Variants in SRGAP1 observed in about 807,000 individuals in gnomAD.
SRGAP1 encodes SLIT-ROBO Rho GTPase-activating protein 1.
Under a neutral mutation model 121.9 loss-of-function variants are expected in SRGAP1, and 43 were observed. The observed-to-expected ratio is 0.35, with a 90% CI of 0.28 to 0.46. The LOEUF (loss-of-function observed/expected upper bound fraction) is 0.46. SRGAP1 is among the 20% of genes least tolerant of loss of function. The pLI is 1.00. For synonymous variants in SRGAP1, 447 were observed against 485.4 expected (o/e 0.92, Z 1.04); for missense variants, 1,102 against 1,350.9 (o/e 0.82, Z 2.89).
rs575141014 is a variant in SRGAP1 at position 63,896,612 on chromosome 12, A to G, written c.67+51729A>G. Reference sequence around the variant, plus strand: ...AAGTGGTCTAAATCCATTGCCAAGCATCATTTAGCCAGTTACAATCATGTG... The same window carrying G: ...AAGTGGTCTAAATCCATTGCCAAGCGTCATTTAGCCAGTTACAATCATGTG... On this transcript the variant is annotated intron_variant, in intron 1 of 21. Transcript: ENST00000355086. 2.0e-5 allele frequency among the ~76,000 whole-genome samples: 3 copies of G among 152,338 alleles called. No individual in the cohort carries two copies. In the South Asian group the frequency reaches 6.2e-4, roughly 32 times the overall value.
intron 1 of SRGAP1, among the ~76,000 whole-genome samples, chr12:63,889,237 G>A (rs1308703230): frequency 2.0e-5 from 3 of 152,170 alleles, no homozygotes; most frequent in Non-Finnish European, 2.9e-5. Context: ...ATGGAAGGAC[G>A]AGTGAGTGAT....
At chr12:64,066,958 T>C (rs2035551935) in intron 8 of SRGAP1, among the ~76,000 whole-genome samples, 1 of 152,178 alleles carries the variant, frequency 6.6e-6, no homozygotes. Context: ...TAGTGTATTA[T>C]ACACAAAGTC....
chr12:64,104,627 C>T (rs183348078), intron 15 of SRGAP1, among the ~76,000 whole-genome samples: 17 of 152,190 alleles, frequency 1.1e-4, no homozygotes, highest in South Asian at 2.1e-4. Context: ...ACACATTGCG[C>T]GCCTGTTGAG....
chr12:63,917,962 G>C (rs1440860208), intron 1 of SRGAP1, among the ~76,000 whole-genome samples: 1 of 152,206 alleles, frequency 6.6e-6, no homozygotes, highest in Non-Finnish European at 1.5e-5. Flanking sequence ...ACAAATGCAA[G>C]ATTATATTGT....
At position 63,892,153 on chromosome 12, in the gene SRGAP1, A is replaced by T. The variant is rs12320263; in HGVS notation, c.67+47270A>T. ...TGCACATAATTTAAAAACAAAATAG[A>T]TAAATAAGTTTTTAATGAAAAGCAA... On this transcript the variant is annotated intron_variant, in intron 1 of 21. Coordinates refer to ENST00000355086, the MANE Select transcript of SRGAP1 (RefSeq NM_020762.4). Among the ~76,000 whole-genome samples the T allele has an allele frequency of 8.7e-3, 1,324 of 152,286 alleles. 22 individuals are homozygous for T. Among genetic ancestry groups the T allele is most frequent in the African/African-American group, 0.03 (1,256 of 41,558 alleles).
At chr12:64,103,820 G>T (rs558271205) in intron 15 of SRGAP1, among the ~76,000 whole-genome samples, 1 of 152,296 alleles carries the variant, frequency 6.6e-6, no homozygotes, top group East Asian at 1.9e-4. Context: ...ATTTAGGAGA[G>T]AAATCAATGG....
intron 17 of SRGAP1, among the ~76,000 whole-genome samples, chr12:64,114,741 A>T (rs2036490888): frequency 6.6e-6 from 1 of 152,196 alleles, no homozygotes; most frequent in South Asian, 2.1e-4. Context: ...TGTCTGGTCA[A>T]TATTATTTAT....
At chr12:64,128,350 CT>C in intron 21 of SRGAP1, 150 bp downstream of exon 21, 2 of 824,402 alleles carry the variant, frequency 2.4e-6, no homozygotes, top group South Asian at 2.1e-5. Flanking sequence ...CCAGCTCATT[CT>C]TTAACTTAGG....
intron 1 of SRGAP1, among the ~76,000 whole-genome samples, chr12:63,857,128 G>A (rs1899278303): frequency 1.5e-5 from 2 of 134,790 alleles, no homozygotes; most frequent in South Asian, 5.0e-4. Context: ...TACCCAGGCT[G>A]GAGTGCACTG....
At chr12:64,032,528 A>T in intron 4 of SRGAP1, 1 of 1,210,620 alleles carries the variant, frequency 8.3e-7, no homozygotes, top group Non-Finnish European at 1.2e-6. Context: ...CTGGGCCAGC[A>T]CAGAGTGACC....
chr12:64,074,830 T>C (rs1462588485), intron 8 of SRGAP1, among the ~76,000 whole-genome samples: 1 of 152,192 alleles, frequency 6.6e-6, no homozygotes, highest in Non-Finnish European at 1.5e-5. Flanking sequence ...GTAGATAACA[T>C]AGTCAAATAT....
chr12:64,119,953 A>G (rs1471186931), intron 18 of SRGAP1, among the ~76,000 whole-genome samples: 2 of 150,994 alleles, frequency 1.3e-5, no homozygotes, highest in Admixed American at 6.6e-5. Context: ...GTATTTTTAG[A>G]AGAGACAGGG....
At chr12:64,042,226 G>T (rs1399315628) in intron 4 of SRGAP1, among the ~76,000 whole-genome samples, 1 of 151,728 alleles carries the variant, frequency 6.6e-6, no homozygotes, top group Non-Finnish European at 1.5e-5. Flanking sequence ...GTTTTTGTTT[G>T]TTTGTTTTTT....
rs1482347832 is a variant in SRGAP1 at position 64,143,916 on chromosome 12, A to G, written c.*1244A>G. ...AGCCATGCAGGGCCATCAGCAGAAC[A>G]TGGCCTTGTGGTTCTCACCCAGTTG... On this transcript the variant is annotated 3_prime_UTR_variant, in exon 22 of 22. Transcript: ENST00000355086. 1 of 152,194 alleles carries G rather than the reference A, an allele frequency of 6.6e-6. No homozygotes were observed. Among genetic ancestry groups the G allele is most frequent in the Non-Finnish European group, 1.5e-5 (1 of 68,050 alleles). 9.4% of individuals were successfully genotyped at this position (152,194 alleles called of 1,614,324 possible).
At chr12:64,108,814 C>A in intron 15 of SRGAP1, 118 bp from the exon 16 acceptor site, 1 of 584,180 alleles carries the variant, frequency 1.7e-6, no homozygotes, top group Non-Finnish European at 2.8e-6. Flanking sequence ...AATTGGATCT[C>A]ACACAAGAGC....
intron 1 of SRGAP1, among the ~76,000 whole-genome samples, chr12:63,912,934 TACA>T (rs758253405): frequency 1.6e-4 from 25 of 152,210 alleles, no homozygotes; most frequent in African/African-American, 4.6e-4. Context: ...TGGGGTTGCT[TACA>T]ACAACATTTT....
At chr12:64,100,771 A>G (rs2036241216) in intron 15 of SRGAP1, among the ~76,000 whole-genome samples, 1 of 152,138 alleles carries the variant, frequency 6.6e-6, no homozygotes, top group South Asian at 2.1e-4. Flanking sequence ...CTTGGATGTT[A>G]TTATCTCTAA....
chr12:64,108,060 G>A (rs868205470), intron 15 of SRGAP1, among the ~76,000 whole-genome samples: 11 of 152,188 alleles, frequency 7.2e-5, no homozygotes, highest in Admixed American at 1.3e-4. Context: ...GATAAATGGG[G>A]ATGACAGTGT....
At chr12:64,066,505 A>G (rs1474889630) in intron 8 of SRGAP1, among the ~76,000 whole-genome samples, 1 of 152,240 alleles carries the variant, frequency 6.6e-6, no homozygotes, top group Admixed American at 6.5e-5. Flanking sequence ...ACTTACAGTG[A>G]TAAAGTGAAT....
Sources: gnomAD v4.1 joint callset for allele counts (sites outside exome capture counted in the v4.1 genomes callset) on GRCh38, gnomAD v4.1.1 for gene constraint, MANE v1.5 for transcripts, NCBI Gene and HGNC (gene_info 2026-07-23, HGNC 2026-07-21) for gene names.